CSMD2: variants seen among roughly 807,000 people sequenced by gnomAD.
CSMD2 encodes the protein CUB and sushi domain-containing protein 2.
Under a neutral mutation model 398.5 loss-of-function variants are expected in CSMD2, and 130 were observed. The observed-to-expected ratio is 0.33, with a 90% confidence interval of 0.28 to 0.38. CSMD2 has a LOEUF of 0.38. Among genes scored for constraint, CSMD2 ranks in the 10% least tolerant of loss-of-function variants. The probability of loss-of-function intolerance (pLI) is 1.00; values close to 1 mark genes in which losing one functional copy is unlikely to be tolerated. For synonymous variants in CSMD2, 1,828 were observed against 1,908.5 expected (o/e 0.96, Z 1.10); for missense variants, 3,829 against 4,764.9 (o/e 0.80, Z 5.78).
intron 15 of CSMD2, among the ~76,000 whole-genome samples, chr1:33,728,415 T>G (rs1301295622): frequency 6.6e-6 from 1 of 152,200 alleles, no homozygotes; most frequent in East Asian, 1.9e-4. Context: ...ATTAGGAAGT[T>G]TAATTAACAA....
chr1:33,630,236 T>C (rs1642387074), intron 32 of CSMD2, among the ~76,000 whole-genome samples: 1 of 152,172 alleles, frequency 6.6e-6, no homozygotes, highest in Non-Finnish European at 1.5e-5. Context: ...TCTATAGCTA[T>C]ACATTATCTA....
At chr1:33,557,621 CACA>C in intron 55 of CSMD2, 110 bp downstream of exon 55, 1 of 76,058 alleles carries the variant, frequency 1.3e-5, no homozygotes, top group Non-Finnish European at 2.4e-5. Flanking sequence ...TGTGCAGACA[CACA>C]CACACACACA....
intron 5 of CSMD2, among the ~76,000 whole-genome samples, chr1:33,883,256 G>C (rs1293197808): frequency 6.6e-6 from 1 of 152,180 alleles, no homozygotes; most frequent in Non-Finnish European, 1.5e-5. Flanking sequence ...TTAGGCTGCG[G>C]AGTAAAAAAG....
At chr1:33,839,208 T>C (rs1363792388) in intron 6 of CSMD2, 4 of 152,244 alleles carry the variant, frequency 2.6e-5, no homozygotes, top group African/African-American at 9.6e-5. Flanking sequence ...AGGAGAATTC[T>C]AGGATGCTTG....
chr1:34,138,270 T>A (rs531705798), intron 1 of CSMD2, among the ~76,000 whole-genome samples: 1 of 152,350 alleles, frequency 6.6e-6, no homozygotes, highest in Admixed American at 6.5e-5. Flanking sequence ...ACTTTGGAAC[T>A]GTACGATTTC....
intron 1 of CSMD2, among the ~76,000 whole-genome samples, chr1:34,142,135 T>C (rs955666655): frequency 2.0e-5 from 3 of 152,166 alleles, no homozygotes; most frequent in African/African-American, 7.2e-5. Flanking sequence ...GTGTGAGTCA[T>C]GAAGTGTCCC....
At chr1:33,605,578 G>T in intron 41 of CSMD2, 108 bp from the exon 42 acceptor site, 1 of 1,122,850 alleles carries the variant, frequency 8.9e-7, no homozygotes, top group Non-Finnish European at 1.3e-6. Context: ...ATGGACCTTT[G>T]TCATGTACAA....
chr1:34,057,754 G>A (rs1362091697), intron 2 of CSMD2, among the ~76,000 whole-genome samples: 1 of 152,100 alleles, frequency 6.6e-6, no homozygotes, highest in Non-Finnish European at 1.5e-5. Flanking sequence ...TCTGCCTACT[G>A]TAGATTTTCC....
rs1298860232 is a variant in CSMD2 at position 33,864,911 on chromosome 1, G to C, written c.921-17915C>G. ...AGGAGGGGAACGGAGAGGACGGGAA[G>C]GGAAAGAAGGGGAAGGGAGGAGAGG... On this transcript the variant is annotated intron_variant, in intron 5 of 70. Transcript: ENST00000373381. The C allele has an allele frequency of 1.3e-5, 6 of 462,006 alleles. No homozygotes were observed. In the East Asian group the frequency reaches 1.5e-4, roughly 12 times the overall value. 28.6% of individuals were successfully genotyped at this position (462,006 alleles called of 1,614,324 possible). A position where few individuals can be genotyped will look rare whatever the true frequency, so the allele number is the denominator to read the frequency against.
At chr1:33,798,618 C>T (rs1040067986) in intron 10 of CSMD2, among the ~76,000 whole-genome samples, 2 of 152,166 alleles carry the variant, frequency 1.3e-5, no homozygotes, top group African/African-American at 4.8e-5. Context: ...TACCCACAGC[C>T]AGAGCAGGCA....
At chr1:33,882,167 T>C (rs1442079610) in intron 5 of CSMD2, 2 of 152,186 alleles carry the variant, frequency 1.3e-5, no homozygotes, top group African/African-American at 4.8e-5. Flanking sequence ...CAACAGGACA[T>C]GAAGTTCTAA....
chr1:33,586,965 C>A, intron 45 of CSMD2, 123 bp downstream of exon 45: 1 of 706,848 alleles, frequency 1.4e-6, no homozygotes, highest in South Asian at 2.0e-5. Context: ...ACAGGGCCTA[C>A]TGTTTCTCTC....
chr1:33,883,559 G>A (rs905002979), intron 5 of CSMD2, among the ~76,000 whole-genome samples: 5 of 152,008 alleles, frequency 3.3e-5, no homozygotes, highest in African/African-American at 7.2e-5. Flanking sequence ...GTAGATTTCC[G>A]GATCAACTCC....
chr1:33,883,377 T>C (rs1470579717), intron 5 of CSMD2, among the ~76,000 whole-genome samples: 1 of 152,164 alleles, frequency 6.6e-6, no homozygotes, highest in African/African-American at 2.4e-5. Flanking sequence ...GATGACACAT[T>C]TACCTCACCT....
intron 44 of CSMD2, chr1:33,600,133 A>T: frequency 1.4e-6 from 1 of 712,706 alleles, no homozygotes; most frequent in Non-Finnish European, 2.6e-6. Flanking sequence ...AAGAAACTGA[A>T]GTCTCAAGTG....
intron 6 of CSMD2, among the ~76,000 whole-genome samples, chr1:33,842,083 TC>T (rs1660908465): frequency 6.6e-6 from 1 of 152,076 alleles, no homozygotes; most frequent in Admixed American, 6.6e-5. Context: ...GCAAACTTCA[TC>T]CCCCATCTGT....
intron 37 of CSMD2, among the ~76,000 whole-genome samples, chr1:33,619,193 G>T (rs1641594482): frequency 6.6e-6 from 1 of 152,186 alleles, no homozygotes; most frequent in South Asian, 2.1e-4. Flanking sequence ...ACTCTAAAGT[G>T]GTCTTCCTAA....
chr1:33,961,641 G>A (rs1645363190), intron 3 of CSMD2, among the ~76,000 whole-genome samples: 1 of 152,146 alleles, frequency 6.6e-6, no homozygotes, highest in South Asian at 2.1e-4. Context: ...CATGGGGGTG[G>A]ATCTCTCATG....
At chr1:33,653,080 C>A (rs1157892032) in intron 27 of CSMD2, among the ~76,000 whole-genome samples, 1 of 152,148 alleles carries the variant, frequency 6.6e-6, no homozygotes, top group Non-Finnish European at 1.5e-5. Flanking sequence ...TTTAAAAATA[C>A]CTGACCCTGC....
Sources: allele counts gnomAD v4.1 joint callset (sites outside exome capture counted in the v4.1 genomes callset), GRCh38; gene constraint gnomAD v4.1.1; transcripts MANE v1.5; gene names NCBI Gene and HGNC (gene_info 2026-07-23, HGNC 2026-07-21).